THOC5: variants seen among roughly 807,000 people sequenced by gnomAD.
THOC5 encodes the protein THO complex subunit 5.
A neutral mutation model predicts 92.9 loss-of-function variants in THOC5; 43 were observed. The observed-to-expected ratio is 0.46, with a 90% CI of 0.36 to 0.60. The LOEUF is 0.60. THOC5 is among the 20% of genes least tolerant of loss of function. The pLI, the probability that THOC5 is intolerant of heterozygous loss-of-function variation, is 0.00. For missense variants in THOC5, 659 were observed against 849.4 expected, an observed-to-expected ratio of 0.78 and a Z score of 2.79; for synonymous variants, 296 against 320.1, an observed-to-expected ratio of 0.92 and a Z score of 0.80.
chr22:29,547,996 CA>C (rs878943050), intron 2 of THOC5, among the ~76,000 whole-genome samples: 1 of 152,020 alleles, frequency 6.6e-6, no homozygotes, highest in Non-Finnish European at 1.5e-5. Context: ...ATGGCGGCAG[CA>C]AAAGAAAAAT....
chr22:29,523,681 C>G (rs1025264615), intron 12 of THOC5, among the ~76,000 whole-genome samples: 1 of 152,042 alleles, frequency 6.6e-6, no homozygotes, highest in African/African-American at 2.4e-5. Flanking sequence ...TGGCAGGACC[C>G]TCTGATAAGA....
Position 29,539,483 on chromosome 22 carries a change from A to G in THOC5, c.453-7T>C, listed in dbSNP as rs183444732. 3.7e-6 allele frequency: 6 copies of G among 1,610,756 alleles called. No homozygotes were observed. The Admixed American group carries it at 5.0e-5, about 13-fold the overall frequency. ...AATTTCTTCATGCTTTGACCTACAG[A>G]CAAAAACATGACATCAAGCTGCTGT... On this transcript the variant is annotated splice_region_variant and splice_polypyrimidine_tract_variant and intron_variant, in intron 5 of 19. Transcript: ENST00000490103.
In THOC5 at chr22:29,531,935, A is replaced by T. The variant is rs756774398; in HGVS notation, c.743T>A (p.Phe248Tyr). The T allele has an allele frequency of 6.2e-7, 1 of 1,614,200 alleles. No individual in the cohort carries two copies. Among genetic ancestry groups the T allele is most frequent in the Non-Finnish European group, 8.5e-7 (1 of 1,180,030 alleles). Residue 248 changes from phenylalanine (F) to tyrosine (Y), a missense_variant, in exon 8 of 20, where the codon TTT becomes TAT. Phe to Tyr is a conservative substitution (Grantham distance 22, BLOSUM62 3). Coordinates refer to ENST00000490103, the MANE Select transcript of THOC5 (RefSeq NM_003678.5). ...QASLPVQEYL[F>Y]MPFDQAHKQY... ...CTTGTGAGCCTGGTCGAATGGCATA[A>T]ACAGGTACTCCTGCACCGGAAGGGA...
intron 17 of THOC5, among the ~76,000 whole-genome samples, chr22:29,516,706 T>C (rs1462127525): frequency 1.3e-5 from 2 of 152,180 alleles, no homozygotes; most frequent in Non-Finnish European, 2.9e-5. Context: ...GGAGGAGATG[T>C]CCGGTACTAG....
intron 6 of THOC5, among the ~76,000 whole-genome samples, chr22:29,538,044 G>A (rs535489069): frequency 2.0e-5 from 3 of 152,134 alleles, no homozygotes; most frequent in South Asian, 4.1e-4. Context: ...GTGCAGTGGC[G>A]CAATCTCGGC....
intron 12 of THOC5, among the ~76,000 whole-genome samples, chr22:29,522,350 ACT>A (rs2063459622): frequency 1.3e-5 from 2 of 151,182 alleles, no homozygotes; most frequent in South Asian, 2.1e-4. Context: ...ACAGAGCGAG[ACT>A]CTGTCTCAAA....
At chr22:29,534,008 G>A (rs1044450955) in intron 7 of THOC5, among the ~76,000 whole-genome samples, 5 of 152,162 alleles carry the variant, frequency 3.3e-5, no homozygotes, top group Non-Finnish European at 5.9e-5. Flanking sequence ...ACAGACAGAT[G>A]TACACATGTA....
chr22:29,544,599 C>G lies in THOC5; in HGVS notation c.101G>C (p.Gly34Ala). 1 of 1,609,734 alleles carries G rather than the reference C, an allele frequency of 6.2e-7. No homozygotes were observed. Among genetic ancestry groups the G allele is most frequent in the African/African-American group, 1.3e-5 (1 of 74,866 alleles). Residue 34 changes from glycine (G) to alanine (A), a missense_variant, in exon 3 of 20, where the codon GGT (glycine) becomes GCT (alanine). Gly to Ala is a moderately conservative substitution (Grantham distance 60, BLOSUM62 0). Transcript: ENST00000490103. ...CTCGGCCTCCTCACTGTAGTATTTA[C>G]CTTCCTGTAGAGGTAAGGATAAAGG... ...KRNRSDTEQEGKYYSEEAEVD... is the reference protein window; with the variant it reads ...KRNRSDTEQEAKYYSEEAEVD...
intron 7 of THOC5, chr22:29,535,808 T>C (rs1345162771): frequency 6.6e-6 from 1 of 152,222 alleles, no homozygotes; most frequent in East Asian, 1.9e-4. Flanking sequence ...GCCTTCCAAG[T>C]AGCTGGGACG....
intron 17 of THOC5, among the ~76,000 whole-genome samples, chr22:29,515,518 T>C (rs2063317182): frequency 6.6e-6 from 1 of 152,056 alleles, no homozygotes; most frequent in Non-Finnish European, 1.5e-5. Flanking sequence ...CTGTACTTTA[T>C]GTTGTTTAGG....
At chr22:29,520,861 C>T in intron 13 of THOC5, 137 bp downstream of exon 13, 1 of 691,336 alleles carries the variant, frequency 1.4e-6, no homozygotes, top group Admixed American at 2.4e-5. Context: ...CAAGAAAGAA[C>T]AAACATTTCC....
chr22:29,516,295 T>C (rs1601388266), intron 17 of THOC5, among the ~76,000 whole-genome samples: 1 of 152,324 alleles, frequency 6.6e-6, no homozygotes, highest in Admixed American at 6.5e-5. Context: ...TCAGAATTTT[T>C]TTTTTAAAAG....
chr22:29,532,540 C>T (rs2146511122), intron 7 of THOC5, among the ~76,000 whole-genome samples: 1 of 152,202 alleles, frequency 6.6e-6, no homozygotes, highest in Non-Finnish European at 1.5e-5. Flanking sequence ...TGGCATATGC[C>T]TGTAATCCCA....
chr22:29,551,206 G>C (rs2064135511), intron 1 of THOC5, among the ~76,000 whole-genome samples: 1 of 152,106 alleles, frequency 6.6e-6, no homozygotes, highest in Non-Finnish European at 1.5e-5. Context: ...GGCTGAGGCG[G>C]GTGGATCACC....
In THOC5 at chr22:29,542,241, G is replaced by A. The variant is rs182058778; in HGVS notation, c.452+618C>T. ...AAAAGAATGTGACTGGAAGTGAGTT[G>A]CTCCCATACAACATGCCCAGAAATC... On this transcript the variant is annotated intron_variant, in intron 5 of 19. Transcript: ENST00000490103. Among the ~76,000 whole-genome samples the A allele has an allele frequency of 4.2e-3, 642 of 152,230 alleles. 12 individuals are homozygous for A. In the Middle Eastern group the frequency reaches 0.044, roughly 10 times the overall value.
At chr22:29,532,263 C>T (rs1293758992) in intron 7 of THOC5, among the ~76,000 whole-genome samples, 1 of 150,866 alleles carries the variant, frequency 6.6e-6, no homozygotes, top group African/African-American at 2.4e-5. Flanking sequence ...AGTTCAAGAG[C>T]AGCCTGGGTA....
At chr22:29,526,250 C>A (rs545971980) in intron 11 of THOC5, among the ~76,000 whole-genome samples, 1 of 152,034 alleles carries the variant, frequency 6.6e-6, no homozygotes, top group African/African-American at 2.4e-5. Flanking sequence ...AAAACAAAAT[C>A]GGCCAGGCGC....
chr22:29,511,912 T>C, intron 18 of THOC5, 109 bp downstream of exon 18: 1 of 872,360 alleles, frequency 1.1e-6, no homozygotes. Context: ...CAACCTTCTG[T>C]TTTGGGAATT....
Position 29,542,818 on chromosome 22 carries a change from G to A in THOC5, c.452+41C>T, listed in dbSNP as rs111439169. On this transcript the variant is annotated intron_variant, in intron 5 of 19. Coordinates refer to ENST00000490103, the MANE Select transcript of THOC5 (RefSeq NM_003678.5). ...AGCTACATGGGAAAAAGCAGTTACC[G>A]AAAGACCACATGTGCCAAAGCCCTG... 26 of 1,411,748 alleles carry A rather than the reference G, an allele frequency of 1.8e-5. No homozygotes were observed. In the South Asian group the frequency reaches 2.4e-4, roughly 13 times the overall value. 87.5% of individuals were successfully genotyped at this position (1,411,748 alleles called of 1,614,324 possible). A position where few individuals can be genotyped will look rare whatever the true frequency, so the allele number is the denominator to read the frequency against.
Sources: allele counts gnomAD v4.1 joint callset (sites outside exome capture counted in the v4.1 genomes callset), GRCh38; gene constraint gnomAD v4.1.1; transcripts MANE v1.5; gene names NCBI Gene and HGNC (gene_info 2026-07-23, HGNC 2026-07-21).